NFYA: variants seen among roughly 807,000 people sequenced by gnomAD.
NFYA encodes nuclear transcription factor Y subunit alpha, also known as CAAT-box DNA binding protein subunit A.
A neutral mutation model predicts 52.8 loss-of-function variants in NFYA; 28 were observed. That is an observed-to-expected ratio of 0.53 (90% confidence interval 0.39 to 0.73). The LOEUF (loss-of-function observed/expected upper bound fraction) is 0.73, where lower values mean the gene tolerates loss of function less well. NFYA is among the 30% of genes least tolerant of loss of function. The pLI, the probability that NFYA is intolerant of heterozygous loss-of-function variation, is 0.00. For missense variants in NFYA, 234 were observed against 427.0 expected, an observed-to-expected ratio of 0.55 and a Z score of 3.98; for synonymous variants, 150 against 150.7, an observed-to-expected ratio of 1.00 and a Z score of 0.03.
chr6:41,094,346 G>A, intron 8 of NFYA, 50 bp from the exon 9 acceptor site: 1 of 1,505,150 alleles, frequency 6.6e-7, no homozygotes, highest in Non-Finnish European at 9.2e-7. Context: ...AGATAACTGT[G>A]CTGGTTCTGG....
At position 41,098,471 on chromosome 6, in the gene NFYA, T is replaced by A. The variant is rs536690411; in HGVS notation, c.*1061T>A. On this transcript the variant is annotated 3_prime_UTR_variant, in exon 10 of 10. Transcript: ENST00000341376. ...GGATACCTGGAATGGATCATTAAGA[T>A]GAAGAGAGTAATTCACATTTACTCT... The A allele has an allele frequency of 1.3e-5, 2 of 152,280 alleles. No homozygotes were observed. Among genetic ancestry groups the A allele is most frequent in the East Asian group, 3.9e-4 (2 of 5,184 alleles). 9.4% of individuals were successfully genotyped at this position (152,280 alleles called of 1,614,324 possible).
chr6:41,081,890 T>C (rs1036588740), intron 3 of NFYA, among the ~76,000 whole-genome samples: 5 of 152,220 alleles, frequency 3.3e-5, no homozygotes, highest in African/African-American at 1.2e-4. Context: ...TACAGTTCTT[T>C]AGCATCGTGT....
In NFYA at chr6:41,100,768, C is replaced by G. The variant is rs141680518; in HGVS notation, c.*3358C>G. Among the ~76,000 whole-genome samples the G allele has an allele frequency of 3.8e-3, 583 of 152,286 alleles. 11 individuals are homozygous for G. The South Asian group carries it at 0.06, about 16-fold the overall frequency. On this transcript the variant is annotated 3_prime_UTR_variant, in exon 10 of 10. Transcript: ENST00000341376. ...TATCGTAGGAGCGTCTTCGCCTCCC[C>G]CGTTTCCAGTAGAAAAGACAGCTTT...
rs768833544 is a variant in NFYA at position 41,084,212 on chromosome 6, A to G, written c.309+20A>G. The G allele has an allele frequency of 1.2e-6, 2 of 1,612,812 alleles. No individual in the cohort carries two copies. The highest frequency in any genetic ancestry group is 1.7e-6 in the Non-Finnish European group (2 of 1,179,362). On this transcript the variant is annotated intron_variant, in intron 4 of 9. Transcript: ENST00000341376. ...CAGCAAGTGAGTAATATTTAAAAAT[A>G]TTGAGCAGTATATCAGAGGAGAGGT...
chr6:41,077,891 T>C (rs1470979033), intron 1 of NFYA, among the ~76,000 whole-genome samples: 2 of 152,226 alleles, frequency 1.3e-5, no homozygotes, highest in Admixed American at 1.3e-4. Flanking sequence ...TAGATTCTTA[T>C]GTTGTATCCA....
intron 4 of NFYA, among the ~76,000 whole-genome samples, chr6:41,089,161 T>TA (rs1233431062): frequency 3.9e-5 from 6 of 151,972 alleles, no homozygotes; most frequent in Non-Finnish European, 8.8e-5. Context: ...TCTTTGTATT[T>TA]TTAGTAGAGA....
At chr6:41,081,371 T>C (rs1012794182) in intron 3 of NFYA, among the ~76,000 whole-genome samples, 3 of 151,918 alleles carry the variant, frequency 2.0e-5, no homozygotes, top group African/African-American at 4.8e-5. Flanking sequence ...GCACCTGTAG[T>C]CCCAGCTACT....
At chr6:41,084,933 G>C (rs1582027981) in intron 4 of NFYA, among the ~76,000 whole-genome samples, 1 of 152,144 alleles carries the variant, frequency 6.6e-6, no homozygotes, top group East Asian at 1.9e-4. Flanking sequence ...TGCACTCCAG[G>C]CTGGGCACCA....
intron 8 of NFYA, 108 bp downstream of exon 8, chr6:41,093,193 GT>G: frequency 1.1e-6 from 1 of 927,420 alleles, no homozygotes; most frequent in Non-Finnish European, 1.6e-6. Flanking sequence ...AACAATTGAC[GT>G]TAGATACTTG....
At chr6:41,081,543 A>G (rs1215663933) in intron 3 of NFYA, among the ~76,000 whole-genome samples, 2 of 152,168 alleles carry the variant, frequency 1.3e-5, no homozygotes, top group Admixed American at 1.3e-4. Flanking sequence ...AATTAATTGC[A>G]TGGTAAAAAT....
chr6:41,083,944 C>T (rs1289249193), intron 3 of NFYA, 102 bp from the exon 4 acceptor site: 2 of 1,159,428 alleles, frequency 1.7e-6, no homozygotes, highest in Non-Finnish European at 2.3e-6. Context: ...TCTACCTTTT[C>T]CTTTTCTAGC....
rs2113812784 is a variant in NFYA at position 41,090,198 on chromosome 6, C to T, written c.442-6C>T. The T allele has an allele frequency of 6.3e-7, 1 of 1,588,300 alleles. No homozygotes were observed. On this transcript the variant is annotated splice_polypyrimidine_tract_variant and splice_region_variant and intron_variant, in intron 5 of 9. Coordinates refer to ENST00000341376, the MANE Select transcript of NFYA (RefSeq NM_002505.5). ...GTTGAATTGTGTCATTACTTATTTC[C>T]TCCAGACACAGCAGCAGATTGCTGT...
chr6:41,075,609 GCT>G (rs1228247612), intron 1 of NFYA: 1 of 151,622 alleles, frequency 6.6e-6, no homozygotes, highest in East Asian at 1.9e-4. Flanking sequence ...TTGTTTTTAT[GCT>G]CTCTTGATTT....
At chr6:41,089,517 C>T (rs879095560) in intron 4 of NFYA, 62 bp from the exon 5 acceptor site, 15 of 1,460,592 alleles carry the variant, frequency 1.0e-5, no homozygotes, top group South Asian at 4.3e-5. Context: ...GGATAACTCT[C>T]GGGGACCAAA....
rs1227506961 is a variant in NFYA, at chr6:41,102,053, G to A, written c.*4643G>A. On this transcript the variant is annotated 3_prime_UTR_variant, in exon 10 of 10. Coordinates refer to ENST00000341376, the MANE Select transcript of NFYA (RefSeq NM_002505.5). ...ACAGGTTCACCCTGACCTACAAGTC[G>A]GAACGTGACATGGACAAACTGGCCC... 6.6e-6 allele frequency: 1 copy of A among 152,184 alleles called. No homozygotes were observed. The highest frequency in any genetic ancestry group is 1.5e-5 in the Non-Finnish European group (1 of 68,036). 9.4% of individuals were successfully genotyped at this position (152,184 alleles called of 1,614,324 possible). A position where few individuals can be genotyped will look rare whatever the true frequency, so the allele number is the denominator to read the frequency against.
rs371499140 is a variant in NFYA at position 41,092,905 on chromosome 6, C to G, written c.715-7C>G. Reference sequence around the variant, plus strand: ...CACCAATAAGCTCTGGTTTCCTGTTCACACAGATGGTTCCTGGGGCTGGCT... The same window carrying G: ...CACCAATAAGCTCTGGTTTCCTGTTGACACAGATGGTTCCTGGGGCTGGCT... On this transcript the variant is annotated splice_region_variant and splice_polypyrimidine_tract_variant and intron_variant, in intron 7 of 9. Coordinates refer to ENST00000341376, the MANE Select transcript of NFYA (RefSeq NM_002505.5). The G allele has an allele frequency of 5.0e-6, 8 of 1,611,874 alleles. No individual in the cohort carries two copies. In the African/African-American group the frequency reaches 8.0e-5, roughly 16 times the overall value.
intron 1 of NFYA, among the ~76,000 whole-genome samples, chr6:41,077,578 G>A (rs1309970126): frequency 6.6e-6 from 1 of 152,190 alleles, no homozygotes; most frequent in East Asian, 1.9e-4. Context: ...ATTTAGGGAA[G>A]CCTGTTAGTG....
chr6:41,091,746 A>T (rs1381110972), intron 7 of NFYA, 52 bp downstream of exon 7: 11 of 1,589,520 alleles, frequency 6.9e-6, no homozygotes, highest in Non-Finnish European at 9.4e-6. Flanking sequence ...TGAACATGCA[A>T]CTTGATGCCT....
At chr6:41,087,629 G>A (rs909071567) in intron 4 of NFYA, among the ~76,000 whole-genome samples, 4 of 152,122 alleles carry the variant, frequency 2.6e-5, no homozygotes, top group Non-Finnish European at 5.9e-5. Context: ...ATGTATTCTG[G>A]CTTTTAAGTT....
Sources: allele counts gnomAD v4.1 joint callset (sites outside exome capture counted in the v4.1 genomes callset), GRCh38; gene constraint gnomAD v4.1.1; transcripts MANE v1.5; gene names NCBI Gene and HGNC (gene_info 2026-07-23, HGNC 2026-07-21).